The following VSTM4 variants were observed in gnomAD, a reference collection of about 807,000 sequenced individuals.
VSTM4 encodes the protein V-set and transmembrane domain-containing protein 4.
VSTM4 carries 20 observed loss-of-function variants against 36.4 expected under a neutral mutation model. The ratio of observed to expected loss-of-function variants is 0.55; its 90% CI spans 0.39 to 0.80. VSTM4 has a LOEUF of 0.80. Among genes scored for constraint, VSTM4 ranks in the 30% least tolerant of loss-of-function variants. The pLI is 0.00. For missense variants in VSTM4, 392 were observed against 404.5 expected (o/e 0.97, Z 0.26); for synonymous variants, 182 against 173.9 (o/e 1.05, Z -0.37).
chr10:49,059,607 G>A (rs567648125), intron 5 of VSTM4, among the ~76,000 whole-genome samples: 8 of 152,242 alleles, frequency 5.3e-5, no homozygotes, highest in African/African-American at 1.4e-4. Flanking sequence ...ATGTTGGCGG[G>A]CTGATCATCC....
At chr10:49,104,616 T>C (rs1272936882) in intron 2 of VSTM4, among the ~76,000 whole-genome samples, 2 of 152,028 alleles carry the variant, frequency 1.3e-5, no homozygotes, top group African/African-American at 2.4e-5. Flanking sequence ...TTCCTAAGGT[T>C]TTGAATCTTT....
chr10:49,020,959 A>C (rs952286779), intron 7 of VSTM4, among the ~76,000 whole-genome samples: 2 of 152,206 alleles, frequency 1.3e-5, no homozygotes, highest in African/African-American at 4.8e-5. Context: ...TCATAATAGT[A>C]ATAGATCAAA....
chr10:49,058,608 A>T (rs1364839332), intron 5 of VSTM4, among the ~76,000 whole-genome samples: 1 of 152,154 alleles, frequency 6.6e-6, no homozygotes, highest in Non-Finnish European at 1.5e-5. Context: ...CCTCCAAGAG[A>T]CAGCAATTTA....
chr10:49,049,191 A>G (rs1462460767), intron 5 of VSTM4, among the ~76,000 whole-genome samples: 4 of 152,146 alleles, frequency 2.6e-5, no homozygotes, highest in Non-Finnish European at 5.9e-5. Flanking sequence ...CACCTTGAGG[A>G]GCGCTGGGAG....
chr10:49,038,942 G>A (rs1364642636), intron 7 of VSTM4, among the ~76,000 whole-genome samples: 1 of 152,152 alleles, frequency 6.6e-6, no homozygotes, highest in South Asian at 2.1e-4. Context: ...ACAGCCAGGG[G>A]TAAAAGCAGT....
chr10:49,066,991 A>G (rs1843985140), intron 4 of VSTM4, among the ~76,000 whole-genome samples: 1 of 152,222 alleles, frequency 6.6e-6, no homozygotes, highest in South Asian at 2.1e-4. Flanking sequence ...AGAAGGAACA[A>G]TACAAAATTT....
At chr10:49,043,225 G>A (rs1436377963) in intron 7 of VSTM4, among the ~76,000 whole-genome samples, 2 of 152,176 alleles carry the variant, frequency 1.3e-5, no homozygotes, top group Non-Finnish European at 1.5e-5. Flanking sequence ...ACTGGATTCT[G>A]AAGACTTACC....
intron 4 of VSTM4, among the ~76,000 whole-genome samples, chr10:49,071,813 TC>T (rs1844084779): frequency 6.6e-6 from 1 of 152,130 alleles, no homozygotes; most frequent in Non-Finnish European, 1.5e-5. Flanking sequence ...TGCCCTCAGC[TC>T]CCACACATGC....
intron 2 of VSTM4, among the ~76,000 whole-genome samples, chr10:49,106,619 A>G (rs1008808649): frequency 2.6e-5 from 4 of 152,300 alleles, no homozygotes; most frequent in Admixed American, 1.3e-4. Context: ...CCACTGGGCA[A>G]CCAGCCTGCC....
At chr10:49,055,102 G>T (rs1843756438) in intron 5 of VSTM4, among the ~76,000 whole-genome samples, 1 of 152,162 alleles carries the variant, frequency 6.6e-6, no homozygotes, top group Admixed American at 6.5e-5. Context: ...GGACACCTAG[G>T]GATGTCAAAT....
At chr10:49,105,408 CAGAG>C (rs1458215416) in intron 2 of VSTM4, among the ~76,000 whole-genome samples, 1 of 146,416 alleles carries the variant, frequency 6.8e-6, no homozygotes, top group Non-Finnish European at 1.5e-5. Context: ...GAGGGAGAGG[CAGAG>C]AGAGAAAGAG....
intron 3 of VSTM4, among the ~76,000 whole-genome samples, chr10:49,085,488 T>C (rs1248824689): frequency 6.6e-6 from 1 of 152,222 alleles, no homozygotes; most frequent in African/African-American, 2.4e-5. Flanking sequence ...ATCATTTTTA[T>C]ATCACTTGAA....
chr10:49,094,082 G>C (rs1030886758), intron 2 of VSTM4, among the ~76,000 whole-genome samples: 1 of 152,174 alleles, frequency 6.6e-6, no homozygotes, highest in Non-Finnish European at 1.5e-5. Flanking sequence ...TGAAATGAAC[G>C]TGATACAGTG....
In VSTM4 at chr10:49,034,323, C is replaced by T. The variant is rs1456150225; in HGVS notation, c.837+12660G>A. Among the ~76,000 whole-genome samples, 5 of 152,200 alleles carry T rather than the reference C, an allele frequency of 3.3e-5. No individual in the cohort carries two copies. The East Asian group carries it at 9.6e-4, about 29-fold the overall frequency. ...TAGGTCATAGACATGATGTACAGGG[C>T]ACAAACCAAGCATTAAAACCAAATC... On this transcript the variant is annotated intron_variant, in intron 7 of 7. Transcript: ENST00000332853.
At chr10:49,023,951 A>G (rs1843218862) in intron 7 of VSTM4, among the ~76,000 whole-genome samples, 1 of 152,204 alleles carries the variant, frequency 6.6e-6, no homozygotes, top group Non-Finnish European at 1.5e-5. Flanking sequence ...TCAGACCCGG[A>G]CCGAGTTTTA....
intron 2 of VSTM4, 69 bp downstream of exon 2, chr10:49,107,518 CTGGGTGG>C (rs1751797659): frequency 6.6e-7 from 1 of 1,519,990 alleles, no homozygotes; most frequent in African/African-American, 1.4e-5. Flanking sequence ...CCGGGAGCCC[CTGGGTGG>C]TGGCTGCAAA....
intron 2 of VSTM4, among the ~76,000 whole-genome samples, chr10:49,105,020 C>T (rs1457106734): frequency 3.6e-4 from 2 of 5,558 alleles, no homozygotes; most frequent in Non-Finnish European, 7.9e-4. Context: ...CAGAGAGATA[C>T]AGAGGGAGAG....
chr10:49,038,691 G>T (rs993590719), intron 7 of VSTM4, among the ~76,000 whole-genome samples: 1 of 152,192 alleles, frequency 6.6e-6, no homozygotes, highest in Non-Finnish European at 1.5e-5. Context: ...GGCAGGCCAT[G>T]AGCTCCGTGT....
At chr10:49,061,571 T>C (rs1828645615) in intron 5 of VSTM4, among the ~76,000 whole-genome samples, 1 of 152,178 alleles carries the variant, frequency 6.6e-6, no homozygotes, top group Non-Finnish European at 1.5e-5. Context: ...TTCTGTTGTT[T>C]GACTTGTACT....
Sources: allele counts gnomAD v4.1 joint callset (sites outside exome capture counted in the v4.1 genomes callset), GRCh38; gene constraint gnomAD v4.1.1; transcripts MANE v1.5; gene names NCBI Gene and HGNC (gene_info 2026-07-23, HGNC 2026-07-21).